TCERG1L: variants seen among roughly 807,000 people sequenced by gnomAD.
TCERG1L encodes the protein transcription elongation regulator 1-like protein.
In TCERG1L, 37 loss-of-function variants were observed where a neutral mutation model predicts 56.3. The ratio of observed to expected loss-of-function variants is 0.66; its 90% CI spans 0.51 to 0.87. The LOEUF is 0.87. Ranked by LOEUF, TCERG1L falls within the 40% of genes least tolerant of loss-of-function variation. The pLI, the probability that TCERG1L is intolerant of heterozygous loss-of-function variation, is 0.00. For synonymous variants in TCERG1L, 324 were observed against 326.3 expected (o/e 0.99, Z 0.08); for missense variants, 799 against 774.2 (o/e 1.03, Z -0.38).
chr10:131,125,479 T>C (rs1845556315), intron 8 of TCERG1L, among the ~76,000 whole-genome samples: 1 of 152,256 alleles, frequency 6.6e-6, no homozygotes, highest in African/African-American at 2.4e-5. Flanking sequence ...TCTGTGAATC[T>C]TTTGCCTTAT....
chr10:131,229,547 T>C (rs995417972), intron 4 of TCERG1L, among the ~76,000 whole-genome samples: 1 of 152,132 alleles, frequency 6.6e-6, no homozygotes, highest in East Asian at 1.9e-4. Flanking sequence ...CAGTAAAATA[T>C]AAGAAGTATG....
At chr10:131,222,220 A>G (rs542314957) in intron 4 of TCERG1L, among the ~76,000 whole-genome samples, 43 of 147,244 alleles carry the variant, frequency 2.9e-4, no homozygotes, top group African/African-American at 1.1e-3. Context: ...CTATTCATCA[A>G]AAGAGTGAAT....
chr10:131,251,628 G>C (rs1334222625), intron 4 of TCERG1L, among the ~76,000 whole-genome samples: 2 of 152,208 alleles, frequency 1.3e-5, no homozygotes, highest in African/African-American at 4.8e-5. Flanking sequence ...GAAATGGAAG[G>C]CACCATGAAG....
At chr10:131,205,833 G>C (rs1408392207) in intron 4 of TCERG1L, among the ~76,000 whole-genome samples, 2 of 152,202 alleles carry the variant, frequency 1.3e-5, no homozygotes, top group African/African-American at 2.4e-5. Flanking sequence ...TGCAGGAGAC[G>C]GGAGGCTGTG....
chr10:131,187,666 G>A (rs2944463), intron 4 of TCERG1L, among the ~76,000 whole-genome samples: 93,348 of 151,946 alleles, frequency 0.61, 29,551 homozygotes, highest in East Asian at 0.74. Flanking sequence ...GTTCTCCCTC[G>A]GGTCTTGAGT....
intron 4 of TCERG1L, among the ~76,000 whole-genome samples, chr10:131,244,724 G>T (rs1177027030): frequency 1.3e-5 from 2 of 152,142 alleles, no homozygotes; most frequent in African/African-American, 4.8e-5. Flanking sequence ...CAAAGCCATT[G>T]AAATCCTGGC....
intron 3 of TCERG1L, among the ~76,000 whole-genome samples, chr10:131,266,542 G>A (rs1846288193): frequency 6.6e-6 from 1 of 152,206 alleles, no homozygotes; most frequent in Non-Finnish European, 1.5e-5. Context: ...GACTTCTTGA[G>A]TCCAGAAAGA....
intron 2 of TCERG1L, 58 bp downstream of exon 2, chr10:131,309,095 T>C (rs1255849117): frequency 4.5e-6 from 7 of 1,562,074 alleles, no homozygotes; most frequent in Non-Finnish European, 6.0e-6. Flanking sequence ...GTTATGTCGA[T>C]GTTCGACAAC....
chr10:131,246,201 G>A (rs1167006601), intron 4 of TCERG1L, among the ~76,000 whole-genome samples: 1 of 152,228 alleles, frequency 6.6e-6, no homozygotes, highest in African/African-American at 2.4e-5. Context: ...GTGCATGACA[G>A]TGGCAGAGGG....
chr10:131,150,602 A>G (rs570718561), intron 6 of TCERG1L, among the ~76,000 whole-genome samples: 1 of 152,284 alleles, frequency 6.6e-6, no homozygotes, highest in Admixed American at 6.5e-5. Flanking sequence ...CTGGGGGAAG[A>G]AGAAGCTGAA....
intron 4 of TCERG1L, among the ~76,000 whole-genome samples, chr10:131,218,692 T>C (rs1845700083): frequency 6.6e-6 from 1 of 152,078 alleles, no homozygotes. Context: ...GGGAAGTGGA[T>C]GTGTGTCCTG....
At chr10:131,285,772 TA>T (rs201237516) in intron 3 of TCERG1L, among the ~76,000 whole-genome samples, 5,706 of 152,054 alleles carry the variant, frequency 0.038, 136 homozygotes, top group African/African-American at 0.057. Flanking sequence ...AGTAACAGAT[TA>T]AAAAAAGAAA....
chr10:131,238,816 CG>C (rs770546040), intron 4 of TCERG1L, among the ~76,000 whole-genome samples: 2 of 152,140 alleles, frequency 1.3e-5, no homozygotes, highest in African/African-American at 4.8e-5. Flanking sequence ...AGCTTTGACT[CG>C]GCGCTCAGGC....
intron 4 of TCERG1L, among the ~76,000 whole-genome samples, chr10:131,197,986 T>C (rs1315876258): frequency 6.6e-6 from 1 of 152,270 alleles, no homozygotes; most frequent in African/African-American, 2.4e-5. Flanking sequence ...CATCATTTTC[T>C]ATAGTAGAAT....
chr10:131,145,783 A>C (rs1181611390), intron 7 of TCERG1L, among the ~76,000 whole-genome samples: 1 of 152,260 alleles, frequency 6.6e-6, no homozygotes, highest in Non-Finnish European at 1.5e-5. Context: ...CTGCCTCTCA[A>C]GTTGGCAGGG....
At chr10:131,155,429 T>G (rs1041675755) in intron 6 of TCERG1L, among the ~76,000 whole-genome samples, 3 of 152,202 alleles carry the variant, frequency 2.0e-5, no homozygotes, top group African/African-American at 7.2e-5. Flanking sequence ...CCCGGAGGCT[T>G]GCCGGGAGGG....
Position 131,099,231 on chromosome 10 carries a change from C to T in TCERG1L, c.1486-807G>A, listed in dbSNP as rs369344706. ...GGCAATTCTGGGCAAGGCCCCAGGG[C>T]ACTTCTCCTGGAACCTGGCAGCCCG... On this transcript the variant is annotated intron_variant, in intron 10 of 11. Transcript: ENST00000368642. Among the ~76,000 whole-genome samples, 21 of 152,352 alleles carry T rather than the reference C, an allele frequency of 1.4e-4. No homozygotes were observed. In the East Asian group the frequency reaches 1.9e-3, roughly 14 times the overall value.
At chr10:131,167,474 G>A (rs914475030) in intron 4 of TCERG1L, among the ~76,000 whole-genome samples, 6 of 152,236 alleles carry the variant, frequency 3.9e-5, no homozygotes, top group Admixed American at 3.9e-4. Context: ...GCCCAGGCTG[G>A]GTGCCATCTA....
intron 4 of TCERG1L, among the ~76,000 whole-genome samples, chr10:131,253,198 T>TG (rs1846130199): frequency 6.6e-6 from 1 of 152,124 alleles, no homozygotes; most frequent in African/African-American, 2.4e-5. Context: ...ACCGGGTGAT[T>TG]GATTTGAGCA....
Sources: allele counts gnomAD v4.1 joint callset (sites outside exome capture counted in the v4.1 genomes callset), GRCh38; gene constraint gnomAD v4.1.1; transcripts MANE v1.5; gene names NCBI Gene and HGNC (gene_info 2026-07-23, HGNC 2026-07-21).